Variants in RELN observed in about 807,000 individuals in gnomAD.
RELN encodes reelin.
In RELN, 108 loss-of-function variants were observed where a neutral mutation model predicts 427.6. The ratio of observed to expected loss-of-function variants is 0.25; its 90% CI spans 0.22 to 0.30. RELN has a LOEUF of 0.30. Ranked by LOEUF, RELN falls within the 10% of genes least tolerant of loss-of-function variation. The pLI is 1.00. For missense variants in RELN, 3,715 were observed against 4,302.8 expected (o/e 0.86, Z 3.82); for synonymous variants, 1,524 against 1,513.4 (o/e 1.01, Z -0.16).
chr7:103,488,434 C>G (rs1199064597), intron 60 of RELN, among the ~76,000 whole-genome samples: 1 of 152,160 alleles, frequency 6.6e-6, no homozygotes, highest in Non-Finnish European at 1.5e-5. Flanking sequence ...AATTCTCCAG[C>G]TAATACAGTG....
intron 1 of RELN, among the ~76,000 whole-genome samples, chr7:103,979,220 T>C (rs1344656319): frequency 6.6e-6 from 1 of 152,188 alleles, no homozygotes; most frequent in African/African-American, 2.4e-5. Flanking sequence ...GGTCAGCGGA[T>C]CTTGGTTCAG....
intron 4 of RELN, among the ~76,000 whole-genome samples, chr7:103,756,908 C>T (rs1210754538): frequency 6.6e-6 from 1 of 152,094 alleles, no homozygotes; most frequent in Non-Finnish European, 1.5e-5. Flanking sequence ...AAAAATGGGC[C>T]AAAGCCTAGT....
At position 103,636,219 on chromosome 7, in the gene RELN, C is replaced by T; in HGVS notation, c.2303+16G>A. The T allele has an allele frequency of 1.9e-6, 3 of 1,544,500 alleles. No homozygotes were observed. The highest frequency in any genetic ancestry group is 2.3e-5 in the East Asian group (1 of 44,406). The stretch of plus-strand genomic sequence containing the variant: ...GTATCTGGTTTTTGTATGTATTCTA[C>T]CCTGCCTTCACTCACCTGGATTGTG... On this transcript the variant is annotated intron_variant, in intron 18 of 64. Coordinates refer to ENST00000428762, the MANE Select transcript of RELN (RefSeq NM_005045.4).
intron 19 of RELN, among the ~76,000 whole-genome samples, chr7:103,630,850 T>TTG (rs1832440611): frequency 2.4e-5 from 1 of 41,074 alleles, no homozygotes. Flanking sequence ...GTTATTTTTT[T>TTG]GTTTTTTTTG....
At chr7:103,601,114 ATGTG>A (rs34548867) in intron 24 of RELN, among the ~76,000 whole-genome samples, 10 of 150,696 alleles carry the variant, frequency 6.6e-5, no homozygotes, top group Admixed American at 4.0e-4. Context: ...ACATGTTAAA[ATGTG>A]TGTGTGTGTG....
At chr7:103,756,764 T>C (rs1029074462) in intron 4 of RELN, among the ~76,000 whole-genome samples, 6 of 152,198 alleles carry the variant, frequency 3.9e-5, no homozygotes, top group African/African-American at 1.4e-4. Context: ...GAAGGTTTAA[T>C]ATATTTTAAC....
chr7:103,593,236 T>C (rs1831461553), intron 27 of RELN, among the ~76,000 whole-genome samples: 1 of 152,210 alleles, frequency 6.6e-6, no homozygotes. Context: ...AAGAGAACAA[T>C]GATGACTGGA....
intron 8 of RELN, among the ~76,000 whole-genome samples, chr7:103,714,090 G>A (rs1436239444): frequency 1.3e-5 from 2 of 152,128 alleles, no homozygotes; most frequent in Non-Finnish European, 2.9e-5. Flanking sequence ...TTCCAGGATG[G>A]CTGGTTTAAT....
intron 2 of RELN, among the ~76,000 whole-genome samples, chr7:103,883,384 G>A (rs1794651292): frequency 6.6e-6 from 1 of 152,230 alleles, no homozygotes; most frequent in African/African-American, 2.4e-5. Flanking sequence ...AGACAAGGAT[G>A]CCCTCTCTCA....
At chr7:103,490,945 G>T in intron 58 of RELN, 116 bp from the exon 59 acceptor site, 1 of 950,900 alleles carries the variant, frequency 1.1e-6, no homozygotes. Context: ...GGAGTTTCCT[G>T]TTTTCTATAA....
At chr7:103,890,057 G>A (rs1157975678) in intron 2 of RELN, among the ~76,000 whole-genome samples, 1 of 152,048 alleles carries the variant, frequency 6.6e-6, no homozygotes, top group Non-Finnish European at 1.5e-5. Flanking sequence ...CTTCACTCCA[G>A]CCCTTCCATG....
intron 1 of RELN, among the ~76,000 whole-genome samples, chr7:103,955,943 G>A (rs1045670087): frequency 3.3e-5 from 5 of 152,130 alleles, no homozygotes; most frequent in Non-Finnish European, 7.4e-5. Flanking sequence ...ATAGCCTTGT[G>A]GGCCACTGCA....
At chr7:103,666,051 TTTTTTTA>T (rs1206205849) in intron 11 of RELN, among the ~76,000 whole-genome samples, 1 of 151,986 alleles carries the variant, frequency 6.6e-6, no homozygotes, top group Non-Finnish European at 1.5e-5. Context: ...TTTTCTTTGA[TTTTTTTA>T]TTTTTTATTT....
rs1832414756 is a variant in RELN at position 103,629,935 on chromosome 7, C to G, written c.2702+5G>C. On this transcript the variant is annotated splice_donor_5th_base_variant and intron_variant, in intron 20 of 64. Coordinates refer to ENST00000428762, the MANE Select transcript of RELN (RefSeq NM_005045.4). ...TTGTAACAATAACAATGATGAAATCCTTACCAAAGGGTCCAGTCGTGGCCA... is the reference window on the plus strand; with the variant it reads ...TTGTAACAATAACAATGATGAAATCGTTACCAAAGGGTCCAGTCGTGGCCA... 1 of 1,543,988 alleles carries G rather than the reference C, an allele frequency of 6.5e-7. No individual in the cohort carries two copies.
At chr7:103,965,852 T>C (rs1796649730) in intron 1 of RELN, among the ~76,000 whole-genome samples, 1 of 152,232 alleles carries the variant, frequency 6.6e-6, no homozygotes, top group African/African-American at 2.4e-5. Context: ...TGTAAACATT[T>C]ATTTCATTAA....
chr7:103,926,968 T>C (rs1795758789), intron 1 of RELN, among the ~76,000 whole-genome samples: 1 of 152,224 alleles, frequency 6.6e-6, no homozygotes, highest in Non-Finnish European at 1.5e-5. Flanking sequence ...CAAGTTTTTC[T>C]ACAGTATTCT....
At chr7:103,596,388 A>C in intron 25 of RELN, 68 bp downstream of exon 25, 1 of 1,364,346 alleles carries the variant, frequency 7.3e-7, no homozygotes, top group Non-Finnish European at 1.0e-6. Context: ...TTTTGGAAAC[A>C]CATCAACAAT....
At chr7:103,652,917 A>T (rs868511504) in intron 13 of RELN, among the ~76,000 whole-genome samples, 158 bp from the exon 14 acceptor site, 1 of 152,054 alleles carries the variant, frequency 6.6e-6, no homozygotes, top group African/African-American at 2.4e-5. Context: ...CATGAAGAAG[A>T]TGCTATCCTC....
intron 2 of RELN, among the ~76,000 whole-genome samples, chr7:103,841,283 A>G (rs1848959): frequency 6.6e-6 from 1 of 152,152 alleles, no homozygotes; most frequent in Non-Finnish European, 1.5e-5. Flanking sequence ...CTGTACCAAC[A>G]ATCAATATCA....
Sources: allele counts gnomAD v4.1 joint callset (sites outside exome capture counted in the v4.1 genomes callset), GRCh38; gene constraint gnomAD v4.1.1; transcripts MANE v1.5; gene names NCBI Gene and HGNC (gene_info 2026-07-23, HGNC 2026-07-21).